RAB27A: variants seen among roughly 807,000 people sequenced by gnomAD.
RAB27A encodes ras-related protein Rab-27A.
RAB27A carries 17 observed loss-of-function variants against 20.8 expected under a neutral mutation model. The observed-to-expected ratio is 0.82, with a 90% CI of 0.56 to 1.23. The LOEUF (loss-of-function observed/expected upper bound fraction) is 1.23, where lower values mean the gene tolerates loss of function less well. Among genes scored for constraint, RAB27A ranks in the 50% most tolerant of loss-of-function variants. RAB27A has a pLI of 0.00. For missense variants in RAB27A, 277 were observed against 266.7 expected, an observed-to-expected ratio of 1.04 and a Z score of -0.27; for synonymous variants, 85 against 92.8, an observed-to-expected ratio of 0.92 and a Z score of 0.48.
chr15:55,221,282 C>CTTTTTCT (rs1555393229), intron 6 of RAB27A, among the ~76,000 whole-genome samples: 3 of 151,890 alleles, frequency 2.0e-5, no homozygotes, highest in African/African-American at 7.3e-5. Context: ...CTGCCTTTTT[C>CTTTTTCT]TTTTTTTTCT....
intron 2 of RAB27A, 34 bp from the exon 3 acceptor site, chr15:55,234,990 T>C: frequency 6.7e-7 from 1 of 1,490,086 alleles, no homozygotes; most frequent in Non-Finnish European, 9.2e-7. Flanking sequence ...TTAATTAAAA[T>C]CCATTAGAAA....
chr15:55,280,004 G>A (rs932343792), intron 1 of RAB27A, among the ~76,000 whole-genome samples: 3 of 152,132 alleles, frequency 2.0e-5, no homozygotes, highest in African/African-American at 7.2e-5. Context: ...CAGTAGGTCT[G>A]GAGTGGGGCT....
At chr15:55,309,348 A>G (rs1220487294) in intron 2 of RAB27A, among the ~76,000 whole-genome samples, 1 of 152,236 alleles carries the variant, frequency 6.6e-6, no homozygotes, top group African/African-American at 2.4e-5. Context: ...TGCTGAGAGC[A>G]GAGCTGAACT....
intron 6 of RAB27A, among the ~76,000 whole-genome samples, chr15:55,222,629 T>A (rs1263217979): frequency 6.6e-6 from 1 of 152,006 alleles, no homozygotes; most frequent in Non-Finnish European, 1.5e-5. Flanking sequence ...CCCCCTCCCT[T>A]CCCACTATAA....
At chr15:55,276,552 G>A (rs750303630) in intron 1 of RAB27A, among the ~76,000 whole-genome samples, 56 of 152,124 alleles carry the variant, frequency 3.7e-4, no homozygotes, top group Middle Eastern at 6.8e-3. Context: ...CCCGGGCAGC[G>A]GAGTAAGATC....
intron 1 of RAB27A, among the ~76,000 whole-genome samples, chr15:55,316,690 G>C (rs1340644947): frequency 6.6e-6 from 1 of 151,880 alleles, no homozygotes; most frequent in Admixed American, 6.6e-5. Flanking sequence ...ATGAATAATA[G>C]CTTCATAATA....
At chr15:55,295,938 C>T (rs779678419) in intron 2 of RAB27A, among the ~76,000 whole-genome samples, 109 of 150,924 alleles carry the variant, frequency 7.2e-4, no homozygotes, top group Non-Finnish European at 1.3e-3. Flanking sequence ...ACTCTTTCAC[C>T]CAGGCTAGAG....
At chr15:55,241,481 C>T (rs1336082491) in intron 2 of RAB27A, among the ~76,000 whole-genome samples, 1 of 151,506 alleles carries the variant, frequency 6.6e-6, no homozygotes, top group African/African-American at 2.4e-5. Flanking sequence ...CTATCATCTT[C>T]CTTATTTTTA....
chr15:55,216,896 C>T (rs2140937085), intron 6 of RAB27A, among the ~76,000 whole-genome samples: 1 of 152,328 alleles, frequency 6.6e-6, no homozygotes, highest in East Asian at 1.9e-4. Context: ...GGATCTTACT[C>T]TACTGATTAA....
At chr15:55,266,121 G>A (rs117015313) in intron 2 of RAB27A, among the ~76,000 whole-genome samples, 1 of 152,224 alleles carries the variant, frequency 6.6e-6, no homozygotes, top group Non-Finnish European at 1.5e-5. Context: ...TAAGGAGGCA[G>A]GTCTTTGGGA....
At chr15:55,274,822 A>ATATATATATATATATATG (rs1555399473) in intron 1 of RAB27A, among the ~76,000 whole-genome samples, 22 of 139,010 alleles carry the variant, frequency 1.6e-4, no homozygotes, top group African/African-American at 4.9e-4. Flanking sequence ...ATATATATAT[A>ATATATATATATATATATG]TATGTATAGA....
chr15:55,305,357 T>C (rs1172057544), intron 2 of RAB27A, among the ~76,000 whole-genome samples: 1 of 152,204 alleles, frequency 6.6e-6, no homozygotes, highest in Non-Finnish European at 1.5e-5. Context: ...CATTGGAGCA[T>C]GGGCTAGCAG....
chr15:55,283,504 G>A lies in RAB27A; in HGVS notation c.-143+6212C>T, dbSNP rs79023893. On this transcript the variant is annotated intron_variant, in intron 1 of 6. Transcript: ENST00000336787. Reference sequence around the variant, plus strand: ...CTTCAATACACAGCCTAGGGCAGACGTGGGACCTGGGACAGCTGACCTTGT... The same window carrying A: ...CTTCAATACACAGCCTAGGGCAGACATGGGACCTGGGACAGCTGACCTTGT... Among the ~76,000 whole-genome samples the A allele has an allele frequency of 6.4e-4, 98 of 152,260 alleles. 1 individual carries two copies. The East Asian group carries it at 0.017, about 27-fold the overall frequency.
chr15:55,208,743 G>A (rs537874536), intron 6 of RAB27A, among the ~76,000 whole-genome samples: 17 of 152,326 alleles, frequency 1.1e-4, no homozygotes, highest in African/African-American at 3.6e-4. Flanking sequence ...CAAGAGGAAT[G>A]GTACACCACC....
At chr15:55,240,236 G>A (rs1896426901) in intron 2 of RAB27A, among the ~76,000 whole-genome samples, 1 of 152,250 alleles carries the variant, frequency 6.6e-6, no homozygotes, top group Non-Finnish European at 1.5e-5. Context: ...ATTTCAGGAA[G>A]GAGTAAACAG....
At chr15:55,262,488 G>A (rs1230811732) in intron 2 of RAB27A, among the ~76,000 whole-genome samples, 3 of 150,078 alleles carry the variant, frequency 2.0e-5, no homozygotes, top group Non-Finnish European at 3.0e-5. Flanking sequence ...CTTGCAGTGA[G>A]CCGAGATCAC....
At chr15:55,235,777 C>A (rs772782784) in intron 2 of RAB27A, among the ~76,000 whole-genome samples, 3 of 151,876 alleles carry the variant, frequency 2.0e-5, no homozygotes, top group African/African-American at 7.3e-5. Context: ...TTGTGGTACA[C>A]CACAATTTTT....
chr15:55,247,234 C>A (rs1208415624), intron 2 of RAB27A, among the ~76,000 whole-genome samples: 3 of 152,142 alleles, frequency 2.0e-5, no homozygotes, highest in African/African-American at 7.2e-5. Context: ...TATTAACAAG[C>A]TCTGAAGAGG....
upstream of RAB27A, among the ~76,000 whole-genome samples, chr15:55,291,646 T>C (rs1898315016): frequency 6.6e-6 from 1 of 150,990 alleles, no homozygotes; most frequent in African/African-American, 2.4e-5. Flanking sequence ...TAATGGCTGA[T>C]ATGGCACAGG....
Sources: gnomAD v4.1 joint callset for allele counts (sites outside exome capture counted in the v4.1 genomes callset) on GRCh38, gnomAD v4.1.1 for gene constraint, MANE v1.5 for transcripts, NCBI Gene and HGNC (gene_info 2026-07-23, HGNC 2026-07-21) for gene names.